Variants in BABAM2 observed in about 807,000 individuals in gnomAD.
The protein encoded by BABAM2 is BRISC and BRCA1 A complex member 2.
BABAM2 carries 31 observed loss-of-function variants against 54.7 expected under a neutral mutation model. That is an observed-to-expected ratio of 0.57 (90% CI 0.43 to 0.77). The LOEUF is 0.77. Among genes scored for constraint, BABAM2 ranks in the 30% least tolerant of loss-of-function variants. BABAM2 has a pLI of 0.00. For synonymous variants in BABAM2, 167 were observed against 162.9 expected, an observed-to-expected ratio of 1.03 and a Z score of -0.19; for missense variants, 364 against 455.8, an observed-to-expected ratio of 0.80 and a Z score of 1.83.
intron 4 of BABAM2, among the ~76,000 whole-genome samples, chr2:28,008,877 A>G (rs1674168354): frequency 6.6e-6 from 1 of 152,122 alleles, no homozygotes; most frequent in Non-Finnish European, 1.5e-5. Context: ...CCATTGTTGA[A>G]GATGTTCTTC....
At chr2:28,022,291 G>T (rs540673566) in intron 4 of BABAM2, among the ~76,000 whole-genome samples, 1 of 152,192 alleles carries the variant, frequency 6.6e-6, no homozygotes, top group Non-Finnish European at 1.5e-5. Flanking sequence ...GTGCCAGTTC[G>T]TTGGTTCAAA....
At chr2:28,189,968 A>C (rs557590193) in intron 7 of BABAM2, among the ~76,000 whole-genome samples, 2 of 152,330 alleles carry the variant, frequency 1.3e-5, no homozygotes, top group South Asian at 4.1e-4. Context: ...GAATTTGATA[A>C]TGAGTCCAGA....
intron 4 of BABAM2, among the ~76,000 whole-genome samples, chr2:28,004,038 G>A (rs761892128): frequency 1.3e-5 from 2 of 151,440 alleles, no homozygotes; most frequent in Admixed American, 6.6e-5. Flanking sequence ...GCTGTACTTG[G>A]GTTATCTACA....
chr2:28,085,266 G>C (rs1039525062), intron 6 of BABAM2, among the ~76,000 whole-genome samples: 2 of 152,098 alleles, frequency 1.3e-5, no homozygotes, highest in Non-Finnish European at 2.9e-5. Context: ...ATTAAACAAA[G>C]AGATAAATAT....
At chr2:28,146,809 T>G (rs1159899276) in intron 7 of BABAM2, among the ~76,000 whole-genome samples, 1 of 152,128 alleles carries the variant, frequency 6.6e-6, no homozygotes, top group Admixed American at 6.5e-5. Flanking sequence ...ATGTATAAAA[T>G]TTTCAGCCAT....
upstream of BABAM2, among the ~76,000 whole-genome samples, chr2:27,888,797 A>T (rs1052250863): frequency 1.3e-5 from 2 of 152,190 alleles, no homozygotes; most frequent in Non-Finnish European, 2.9e-5. Context: ...GTTAAAAAAA[A>T]ATGTGACCTT....
intron 6 of BABAM2, among the ~76,000 whole-genome samples, chr2:28,081,161 T>C (rs1573539765): frequency 6.6e-6 from 1 of 152,310 alleles, no homozygotes; most frequent in Admixed American, 6.5e-5. Context: ...GCCAGCCACA[T>C]AGATTCGCAG....
chr2:28,103,987 T>C (rs1667292820), intron 6 of BABAM2, among the ~76,000 whole-genome samples: 1 of 152,212 alleles, frequency 6.6e-6, no homozygotes, highest in South Asian at 2.1e-4. Flanking sequence ...AACTCATTTT[T>C]TTAACCCTTA....
intron 11 of BABAM2, chr2:28,309,991 A>G: frequency 7.1e-7 from 1 of 1,407,210 alleles, no homozygotes; most frequent in Non-Finnish European, 1.0e-6. Context: ...TGTGAAGAGA[A>G]AAGCAAATCA....
chr2:28,245,869 T>G (rs1467645753), intron 10 of BABAM2, among the ~76,000 whole-genome samples: 1 of 152,228 alleles, frequency 6.6e-6, no homozygotes. Context: ...GCAGCAGATT[T>G]ACCTTCTTCG....
chr2:28,138,305 A>G (rs1191678073), intron 7 of BABAM2, among the ~76,000 whole-genome samples: 3 of 152,202 alleles, frequency 2.0e-5, no homozygotes, highest in Non-Finnish European at 4.4e-5. Flanking sequence ...AAAGAAATTG[A>G]CACCTAGACA....
At chr2:27,980,284 A>G (rs1671905677) in intron 3 of BABAM2, among the ~76,000 whole-genome samples, 1 of 151,892 alleles carries the variant, frequency 6.6e-6, no homozygotes, top group African/African-American at 2.4e-5. Flanking sequence ...GGTAATCTGT[A>G]CTCTGTGTTC....
intron 10 of BABAM2, among the ~76,000 whole-genome samples, chr2:28,273,286 G>T (rs143988503): frequency 6.6e-6 from 1 of 152,172 alleles, no homozygotes; most frequent in South Asian, 2.1e-4. Flanking sequence ...CCCTGACTAC[G>T]TCAGAACCCC....
At chr2:28,054,575 A>G (rs187897221) in intron 6 of BABAM2, among the ~76,000 whole-genome samples, 1 of 152,296 alleles carries the variant, frequency 6.6e-6, no homozygotes, top group Non-Finnish European at 1.5e-5. Context: ...GAATGGGATT[A>G]ATACCCTTAT....
At chr2:27,952,914 T>C (rs1181747890) in intron 3 of BABAM2, among the ~76,000 whole-genome samples, 1 of 152,240 alleles carries the variant, frequency 6.6e-6, no homozygotes, top group Non-Finnish European at 1.5e-5. Flanking sequence ...TATTGAAATC[T>C]TTCTTCACAT....
At chr2:28,046,006 A>G (rs1262978639) in intron 6 of BABAM2, among the ~76,000 whole-genome samples, 1 of 152,244 alleles carries the variant, frequency 6.6e-6, no homozygotes, top group Admixed American at 6.5e-5. Flanking sequence ...TGAGTTTTCC[A>G]TATTAAAATA....
At chr2:28,288,488 GC>G (rs1344763115) in intron 10 of BABAM2, among the ~76,000 whole-genome samples, 1 of 151,866 alleles carries the variant, frequency 6.6e-6, no homozygotes, top group Non-Finnish European at 1.5e-5. Flanking sequence ...ACCAAGCCAG[GC>G]TAATTTTTGT....
chr2:28,180,832 G>A (rs13399788), intron 7 of BABAM2, among the ~76,000 whole-genome samples: 73,590 of 151,956 alleles, frequency 0.48, 18,489 homozygotes, highest in Middle Eastern at 0.62. Context: ...AAGAAGATAC[G>A]CAAATTGTCA....
chr2:28,081,317 A>G (rs545364468), intron 6 of BABAM2, among the ~76,000 whole-genome samples: 1 of 152,338 alleles, frequency 6.6e-6, no homozygotes, highest in Admixed American at 6.5e-5. Context: ...TTTCTAGAAG[A>G]AGAACTTATC....
Sources: gnomAD v4.1 joint callset for allele counts (sites outside exome capture counted in the v4.1 genomes callset) on GRCh38, gnomAD v4.1.1 for gene constraint, MANE v1.5 for transcripts, NCBI Gene and HGNC (gene_info 2026-07-23, HGNC 2026-07-21) for gene names.